Variants in TMEM255B observed in about 807,000 individuals in gnomAD.
The protein encoded by TMEM255B is family with sequence similarity 70, member B.
Under a neutral mutation model 34.5 loss-of-function variants are expected in TMEM255B, and 35 were observed. That is an observed-to-expected ratio of 1.01 (90% CI 0.77 to 1.34). The LOEUF is 1.34. Among genes scored for constraint, TMEM255B ranks in the 40% most tolerant of loss-of-function variants. The probability of loss-of-function intolerance (pLI) is 0.00; values close to 1 mark genes in which losing one functional copy is unlikely to be tolerated. For missense variants in TMEM255B, 432 were observed against 433.2 expected (o/e 1.00, Z 0.02); for synonymous variants, 206 against 201.2 (o/e 1.02, Z -0.20).
At chr13:113,807,321 G>T (rs1188060093) in intron 8 of TMEM255B, among the ~76,000 whole-genome samples, 1 of 150,708 alleles carries the variant, frequency 6.6e-6, no homozygotes, top group Non-Finnish European at 1.5e-5. Context: ...CCTGTCACAC[G>T]CAGGCTTACG....
intron 5 of TMEM255B, 167 bp downstream of exon 5, chr13:113,799,586 G>T: frequency 1.5e-6 from 1 of 658,978 alleles, no homozygotes. Flanking sequence ...TTGGGACCTT[G>T]ACATTTCGAT....
At chr13:113,801,399 C>T (rs7491589) in intron 6 of TMEM255B, among the ~76,000 whole-genome samples, 15,373 of 152,266 alleles carry the variant, frequency 0.1, 887 homozygotes, top group Middle Eastern at 0.22. Context: ...GCCAGGCCAT[C>T]GAGGCGGAGG....
At chr13:113,801,931 T>C (rs537210382) in intron 7 of TMEM255B, 119 bp downstream of exon 7, 1,832 of 1,185,512 alleles carry the variant, frequency 1.5e-3, no homozygotes, top group Non-Finnish European at 2.1e-3. Flanking sequence ...CTGAAGCCCA[T>C]GCGTCTGTCA....
chr13:113,805,122 C>T (rs2051146607), intron 8 of TMEM255B, 94 bp downstream of exon 8: 2 of 1,335,000 alleles, frequency 1.5e-6, no homozygotes, highest in Non-Finnish European at 2.0e-6. Context: ...TGAGGTCTTG[C>T]AGCCGCCTCA....
chr13:113,781,575 G>T (rs978756732), intron 3 of TMEM255B, among the ~76,000 whole-genome samples: 1 of 152,220 alleles, frequency 6.6e-6, no homozygotes, highest in Non-Finnish European at 1.5e-5. Context: ...GATTTTAAAT[G>T]ATGTACTAGG....
rs2051406113 is a variant in TMEM255B, at chr13:113,816,725, A to T, written c.*4822A>T. The T allele has an allele frequency of 6.6e-6, 1 of 152,204 alleles. No individual in the cohort carries two copies. The highest frequency in any genetic ancestry group is 1.5e-5 in the Non-Finnish European group (1 of 68,046). 9.4% of individuals were successfully genotyped at this position (152,204 alleles called of 1,614,324 possible). A position where few individuals can be genotyped will look rare whatever the true frequency, so the allele number is the denominator to read the frequency against. On this transcript the variant is annotated 3_prime_UTR_variant, in exon 9 of 9. Transcript: ENST00000375353. ...CCGGGGCCCGTCAGCAGATCCTCAG[A>T]CGGCGACACGCGCCACTTCCTTTTC...
At chr13:113,776,127 GT>G (rs1352900764) in intron 3 of TMEM255B, among the ~76,000 whole-genome samples, 11 of 152,180 alleles carry the variant, frequency 7.2e-5, no homozygotes, top group African/African-American at 2.4e-4. Context: ...AGAGGACCCT[GT>G]CCCGTCCCCC....
chr13:113,798,378 GGATGGAT>G (rs962087980), intron 4 of TMEM255B, among the ~76,000 whole-genome samples: 15 of 151,778 alleles, frequency 9.9e-5, no homozygotes, highest in Non-Finnish European at 1.5e-4. Context: ...GATGGATAAT[GGATGGAT>G]GATGGATGAT....
rs543349807 is a variant in TMEM255B, at chr13:113,773,173, G to T, written c.252+4013G>T. The stretch of plus-strand genomic sequence containing the variant: ...ACTTACCAAATTAAATTTATTCTTA[G>T]GTACTTTATTCTTTTTGAGGCTATT... On this transcript the variant is annotated intron_variant, in intron 3 of 8. Coordinates refer to ENST00000375353, the MANE Select transcript of TMEM255B (RefSeq NM_182614.4). 3.3e-5 allele frequency among the ~76,000 whole-genome samples: 5 copies of T among 152,106 alleles called. No individual in the cohort carries two copies. In the East Asian group the frequency reaches 9.6e-4, roughly 29 times the overall value.
chr13:113,764,159 G>A (rs910024161), intron 1 of TMEM255B, among the ~76,000 whole-genome samples: 13 of 152,250 alleles, frequency 8.5e-5, no homozygotes, highest in African/African-American at 2.7e-4. Context: ...CGGGGACACG[G>A]GTTGGGGCTG....
intron 3 of TMEM255B, among the ~76,000 whole-genome samples, chr13:113,777,610 AG>A (rs939753079): frequency 2.0e-5 from 3 of 152,340 alleles, no homozygotes; most frequent in African/African-American, 7.2e-5. Context: ...CACGTGCTTC[AG>A]CACCTAGAAC....
chr13:113,762,131 T>G (rs1355767995), intron 1 of TMEM255B, among the ~76,000 whole-genome samples: 2 of 151,684 alleles, frequency 1.3e-5, no homozygotes, highest in African/African-American at 4.9e-5. Context: ...AAGGAAATTA[T>G]TCAGGTGATT....
rs1189722999 is a variant in TMEM255B at position 113,816,918 on chromosome 13, A to T, written c.*5015A>T. 1 of 152,164 alleles carries T rather than the reference A, an allele frequency of 6.6e-6. No homozygotes were observed. The highest frequency in any genetic ancestry group is 1.5e-5 in the Non-Finnish European group (1 of 68,060). The allele number at this position is 152,164 out of a possible 1,614,324, so 9.4% of individuals were successfully genotyped here. On this transcript the variant is annotated 3_prime_UTR_variant, in exon 9 of 9. Coordinates refer to ENST00000375353, the MANE Select transcript of TMEM255B (RefSeq NM_182614.4). ...GGGCTGTGGCTGGAGCTTCTCCTAC[A>T]AATGGGCTGTGCTGGGATTAGCCCG...
At chr13:113,800,712 T>G in intron 5 of TMEM255B, 115 bp from the exon 6 acceptor site, 10 of 948,690 alleles carry the variant, frequency 1.1e-5, no homozygotes, top group Non-Finnish European at 1.6e-5. Context: ...GGGAGGCAGC[T>G]GCTTGGCTGG....
intron 4 of TMEM255B, among the ~76,000 whole-genome samples, chr13:113,797,386 C>T (rs767367814): frequency 1.1e-4 from 16 of 152,228 alleles, no homozygotes; most frequent in African/African-American, 2.9e-4. Context: ...TGGGGAGATG[C>T]GTGCCTTCCA....
chr13:113,791,465 A>G (rs1039487376), intron 3 of TMEM255B, among the ~76,000 whole-genome samples: 2 of 152,182 alleles, frequency 1.3e-5, no homozygotes, highest in African/African-American at 4.8e-5. Flanking sequence ...CTGGGGGACC[A>G]CACTGGTCAC....
In TMEM255B at chr13:113,801,813, G is replaced by T. The variant is rs1452311918; in HGVS notation, c.669+1G>T. The T allele has an allele frequency of 1.2e-6, 2 of 1,601,016 alleles. No homozygotes were observed. Among genetic ancestry groups the T allele is most frequent in the East Asian group, 4.5e-5 (2 of 44,420 alleles). ...CGTCCTGGGGGCCTTCAAGGACATG[G>T]TGAGGCCCCTTGGTGGGACCCCCGC... On this transcript the variant is annotated splice_donor_variant, in intron 7 of 8. Transcript: ENST00000375353. LOFTEE classifies it high-confidence loss of function.
chr13:113,777,344 C>G (rs1429816904), intron 3 of TMEM255B, among the ~76,000 whole-genome samples: 1 of 152,184 alleles, frequency 6.6e-6, no homozygotes, highest in Non-Finnish European at 1.5e-5. Flanking sequence ...TGAACCCAGA[C>G]CCAGCCTCTT....
At chr13:113,792,684 G>C (rs1023631293) in intron 3 of TMEM255B, among the ~76,000 whole-genome samples, 15 of 152,226 alleles carry the variant, frequency 9.9e-5, no homozygotes, top group African/African-American at 3.6e-4. Context: ...GATGGGCTCC[G>C]TCATTATTTA....
Sources: allele counts gnomAD v4.1 joint callset (sites outside exome capture counted in the v4.1 genomes callset), GRCh38; gene constraint gnomAD v4.1.1; transcripts MANE v1.5; gene names NCBI Gene and HGNC (gene_info 2026-07-23, HGNC 2026-07-21).